The following NRG4 variants were observed in gnomAD, a reference collection of about 807,000 sequenced individuals.
NRG4 encodes the protein pro-neuregulin-4, membrane-bound isoform.
Under a neutral mutation model 15.0 loss-of-function variants are expected in NRG4, and 10 were observed. The ratio of observed to expected loss-of-function variants is 0.67; its 90% CI spans 0.41 to 1.13. The LOEUF (loss-of-function observed/expected upper bound fraction) is 1.13, where lower values mean the gene tolerates loss of function less well. NRG4 is among the 50% of genes most tolerant of loss of function. The pLI, the probability that NRG4 is intolerant of heterozygous loss-of-function variation, is 0.00. For synonymous variants in NRG4, 41 were observed against 50.1 expected (o/e 0.82, Z 0.77); for missense variants, 139 against 140.2 (o/e 0.99, Z 0.04).
At chr15:76,009,034 ATTTTGTTTTTG>A (rs2141907095) in intron 3 of NRG4, among the ~76,000 whole-genome samples, 155 bp downstream of exon 3, 1 of 152,254 alleles carries the variant, frequency 6.6e-6, no homozygotes, top group African/African-American at 2.4e-5. Flanking sequence ...GTGCTATTTT[ATTTTGTTTTTG>A]TTTTGTTTTA....
chr15:75,978,078 A>G (rs955369905), intron 3 of NRG4, among the ~76,000 whole-genome samples: 5 of 152,048 alleles, frequency 3.3e-5, no homozygotes, highest in Admixed American at 1.3e-4. Context: ...CAGCCTCCCA[A>G]AGTGCTGGGA....
At chr15:75,973,869 A>G (rs1170684252) in intron 3 of NRG4, among the ~76,000 whole-genome samples, 2 of 152,158 alleles carry the variant, frequency 1.3e-5, no homozygotes, top group Non-Finnish European at 2.9e-5. Flanking sequence ...TATCAAGATG[A>G]TGCTGGCCTC....
intron 5 of NRG4, among the ~76,000 whole-genome samples, chr15:76,021,014 T>C (rs557624477): frequency 6.6e-6 from 1 of 152,378 alleles, no homozygotes; most frequent in South Asian, 2.1e-4. Flanking sequence ...TCTTGAACTT[T>C]TATAGCTAAA....
intron 3 of NRG4, among the ~76,000 whole-genome samples, chr15:75,981,103 C>T (rs2033590829): frequency 1.3e-5 from 2 of 152,172 alleles, no homozygotes; most frequent in Non-Finnish European, 2.9e-5. Flanking sequence ...TCTATTTCCC[C>T]TCCCTTTGAA....
At chr15:76,058,985 A>G (rs2141974810) in intron 1 of NRG4, among the ~76,000 whole-genome samples, 1 of 152,212 alleles carries the variant, frequency 6.6e-6, no homozygotes, top group East Asian at 1.9e-4. Context: ...CCACCCGGTA[A>G]CTGGCAATCA....
chr15:76,013,301 T>C (rs984050060), upstream of NRG4, among the ~76,000 whole-genome samples: 8 of 152,008 alleles, frequency 5.3e-5, no homozygotes, highest in East Asian at 1.3e-3. Flanking sequence ...CACTCCAGCC[T>C]GGGCAACAGA....
intron 5 of NRG4, among the ~76,000 whole-genome samples, chr15:75,952,560 ATT>A (rs60066418): frequency 6.7e-6 from 1 of 149,202 alleles, no homozygotes; most frequent in Non-Finnish European, 1.5e-5. Flanking sequence ...ATTCATGTGC[ATT>A]TTTTTTTCTT....
At chr15:76,050,791 CCTGTT>C (rs2035987816) in intron 4 of NRG4, among the ~76,000 whole-genome samples, 2 of 147,010 alleles carry the variant, frequency 1.4e-5, no homozygotes, top group Admixed American at 1.3e-4. Flanking sequence ...TCTCCAGACT[CCTGTT>C]CTCCAAAACT....
At chr15:76,009,549 G>A (rs920059834) in intron 2 of NRG4, among the ~76,000 whole-genome samples, 12 of 151,896 alleles carry the variant, frequency 7.9e-5, no homozygotes, top group Admixed American at 2.6e-4. Context: ...ACAGAAATAA[G>A]GAATATCTAT....
At chr15:76,004,802 A>T (rs184505595) in intron 3 of NRG4, among the ~76,000 whole-genome samples, 1 of 152,164 alleles carries the variant, frequency 6.6e-6, no homozygotes, top group East Asian at 1.9e-4. Flanking sequence ...GGACGAAAAC[A>T]CATGATGCAA....
chr15:76,050,811 T>A (rs2035989096), intron 4 of NRG4, among the ~76,000 whole-genome samples: 1 of 147,258 alleles, frequency 6.8e-6, no homozygotes, highest in Non-Finnish European at 1.5e-5. Flanking sequence ...AAAACTAATT[T>A]TTTTTTTTTT....
At chr15:76,028,904 A>AG (rs1491532353) in intron 5 of NRG4, among the ~76,000 whole-genome samples, 1 of 110,636 alleles carries the variant, frequency 9.0e-6, no homozygotes, top group African/African-American at 4.8e-5. Context: ...CTCCTCCTCC[A>AG]AAAAAAAAAA....
intron 4 of NRG4, among the ~76,000 whole-genome samples, chr15:76,040,056 AAGAG>A (rs113613101): frequency 3.3e-5 from 5 of 151,608 alleles, no homozygotes; most frequent in Non-Finnish European, 5.9e-5. Context: ...AATAAAAAAA[AAGAG>A]AGAGAGAGAG....
At chr15:75,990,688 T>TG (rs1371693617) in intron 3 of NRG4, among the ~76,000 whole-genome samples, 7 of 137,798 alleles carry the variant, frequency 5.1e-5, no homozygotes, top group African/African-American at 1.5e-4. Context: ...TTTTTTGTTT[T>TG]TTTTTTTTTT....
intron 3 of NRG4, among the ~76,000 whole-genome samples, chr15:75,970,348 C>T (rs2033030878): frequency 6.6e-6 from 1 of 152,212 alleles, no homozygotes; most frequent in African/African-American, 2.4e-5. Flanking sequence ...ATATAACTAG[C>T]TTTTCATATA....
At chr15:76,031,907 T>C (rs117688644) in intron 5 of NRG4, among the ~76,000 whole-genome samples, 2 of 152,200 alleles carry the variant, frequency 1.3e-5, no homozygotes, top group Non-Finnish European at 2.9e-5. Context: ...AATAAAGCTG[T>C]AATTATTCAC....
chr15:76,022,371 T>C (rs1250815059), intron 5 of NRG4, among the ~76,000 whole-genome samples: 1 of 152,062 alleles, frequency 6.6e-6, no homozygotes, highest in Admixed American at 6.6e-5. Context: ...CAAATGACAG[T>C]TTCATGTGAT....
chr15:75,979,372 G>C (rs1398923627), intron 3 of NRG4, among the ~76,000 whole-genome samples: 1 of 152,056 alleles, frequency 6.6e-6, no homozygotes, highest in Non-Finnish European at 1.5e-5. Context: ...CAATCCATTG[G>C]GTGGATTTTG....
chr15:76,035,044 C>T (rs759827748), intron 5 of NRG4, among the ~76,000 whole-genome samples: 6 of 152,208 alleles, frequency 3.9e-5, no homozygotes, highest in African/African-American at 1.2e-4. Context: ...AAATGCCTTG[C>T]GGTCACATAA....
Sources: gnomAD v4.1 joint callset for allele counts (sites outside exome capture counted in the v4.1 genomes callset) on GRCh38, gnomAD v4.1.1 for gene constraint, MANE v1.5 for transcripts, NCBI Gene and HGNC (gene_info 2026-07-23, HGNC 2026-07-21) for gene names.